The following SLA2 variants were observed in gnomAD, a reference collection of about 807,000 sequenced individuals.
The protein encoded by SLA2 is src-like-adapter 2.
A neutral mutation model predicts 27.3 loss-of-function variants in SLA2; 22 were observed. That is an observed-to-expected ratio of 0.81 (90% confidence interval 0.58 to 1.15). The LOEUF is 1.15. Ranked by LOEUF, SLA2 falls within the 50% of genes most tolerant of loss-of-function variation. SLA2 has a pLI of 0.00. For synonymous variants in SLA2, 131 were observed against 137.8 expected (o/e 0.95, Z 0.34); for missense variants, 304 against 322.2 (o/e 0.94, Z 0.43).
chr20:36,644,868 G>GTTTTTTTTTTTTTTTTT (rs3066378), intron 1 of SLA2, among the ~76,000 whole-genome samples: 2 of 80,674 alleles, frequency 2.5e-5, no homozygotes, highest in Non-Finnish European at 2.4e-5. Flanking sequence ...AGAATATTGT[G>GTTTTTTTTTTTTTTTTT]TTTTTTTTTT....
intron 5 of SLA2, among the ~76,000 whole-genome samples, chr20:36,622,361 A>C (rs2039292603): frequency 6.6e-6 from 1 of 151,868 alleles, no homozygotes; most frequent in African/African-American, 2.4e-5. Context: ...ATCTCAAAAA[A>C]AAAAAACAAA....
At chr20:36,614,795 A>G in intron 6 of SLA2, 3 of 985,408 alleles carry the variant, frequency 3.0e-6, no homozygotes, top group South Asian at 4.7e-5. Flanking sequence ...GAGTTTTCAC[A>G]AGAGTGCTCT....
Position 36,613,712 on chromosome 20 carries a change from A to G in SLA2, c.*154T>C, listed in dbSNP as rs1415449538. On this transcript the variant is annotated 3_prime_UTR_variant, in exon 8 of 8. Coordinates refer to ENST00000262866, the MANE Select transcript of SLA2 (RefSeq NM_032214.4). ...GTAGGTGACTTCTAAGGGCTAAGAGAGGAAAGAGCAAGGGTACAGGTGGGA... is the reference window on the plus strand; with the variant it reads ...GTAGGTGACTTCTAAGGGCTAAGAGGGGAAAGAGCAAGGGTACAGGTGGGA... 2.3e-6 allele frequency: 2 copies of G among 881,330 alleles called. No individual in the cohort carries two copies. The highest frequency in any genetic ancestry group is 2.6e-5 in the East Asian group (1 of 38,384). The allele number at this position is 881,330 out of a possible 1,614,324, so 54.6% of individuals were successfully genotyped here.
intron 1 of SLA2, among the ~76,000 whole-genome samples, chr20:36,645,214 C>T (rs928558395): frequency 4.7e-5 from 5 of 105,894 alleles, no homozygotes; most frequent in Middle Eastern, 8.2e-3. Context: ...AAAAATATAA[C>T]GAATTAGCTG....
At chr20:36,632,521 CAGCCAT>C (rs928183166) in intron 5 of SLA2, 68 bp downstream of exon 5, 3 of 1,183,552 alleles carry the variant, frequency 2.5e-6, no homozygotes, top group Non-Finnish European at 2.5e-6. Flanking sequence ...GCCGCACCTG[CAGCCAT>C]ATATCTGTGG....
intron 5 of SLA2, among the ~76,000 whole-genome samples, chr20:36,618,675 G>A (rs999570040): frequency 1.3e-5 from 2 of 151,896 alleles, no homozygotes; most frequent in Non-Finnish European, 2.9e-5. Context: ...GGAGGCAGAG[G>A]CTGTTGGATC....
intron 5 of SLA2, among the ~76,000 whole-genome samples, chr20:36,628,895 G>A (rs926933255): frequency 2.5e-4 from 38 of 151,644 alleles, no homozygotes; most frequent in Non-Finnish European, 4.0e-4. Flanking sequence ...ACCATGACCC[G>A]CAGGAAAATT....
rs575717341 is a variant in SLA2, at chr20:36,625,129, C to T, written c.382+7466G>A. On this transcript the variant is annotated intron_variant, in intron 5 of 7. Coordinates refer to ENST00000262866, the MANE Select transcript of SLA2 (RefSeq NM_032214.4). ...CTCGGGGAAATAAGTGCTGTCTTGT[C>T]AGCACATCCACAGCTGGGATTTTCC... Among the ~76,000 whole-genome samples, 6 of 152,016 alleles carry T rather than the reference C, an allele frequency of 3.9e-5. No individual in the cohort carries two copies. The South Asian group carries it at 8.3e-4, about 21-fold the overall frequency.
intron 5 of SLA2, among the ~76,000 whole-genome samples, chr20:36,630,864 T>C (rs770274656): frequency 1.3e-5 from 2 of 152,170 alleles, no homozygotes; most frequent in Non-Finnish European, 2.9e-5. Context: ...CACATGAATG[T>C]GCATGTGGCC....
intron 5 of SLA2, among the ~76,000 whole-genome samples, chr20:36,631,335 G>A (rs2039391732): frequency 6.6e-6 from 1 of 152,134 alleles, no homozygotes; most frequent in Non-Finnish European, 1.5e-5. Context: ...AAATTTTTTT[G>A]TAGAGAAGTG....
chr20:36,623,869 G>C lies in SLA2; in HGVS notation c.383-8495C>G, dbSNP rs187533439. 8.0e-4 allele frequency among the ~76,000 whole-genome samples: 121 copies of C among 152,132 alleles called. 1 individual carries two copies. Among genetic ancestry groups the C allele is most frequent in the African/African-American group, 2.9e-3 (119 of 41,502 alleles). ...TAAAAAATTCTGTGGCTGGGAATGCGCTAAATATTTGAAAATAGGCCCAGA... is the reference window on the plus strand; with the variant it reads ...TAAAAAATTCTGTGGCTGGGAATGCCCTAAATATTTGAAAATAGGCCCAGA... On this transcript the variant is annotated intron_variant, in intron 5 of 7. Coordinates refer to ENST00000262866, the MANE Select transcript of SLA2 (RefSeq NM_032214.4).
chr20:36,634,553 A>G lies in SLA2; in HGVS notation c.128T>C (p.Phe43Ser), dbSNP rs2039425091. 1.2e-6 allele frequency: 2 copies of G among 1,611,416 alleles called. No individual in the cohort carries two copies. Among genetic ancestry groups the G allele is most frequent in the Non-Finnish European group, 1.7e-6 (2 of 1,178,570 alleles). The change falls in exon 3 of 8, where the codon TTC becomes TCC. Residue 43 changes from phenylalanine (F) to serine (S), a missense_variant. Coordinates refer to ENST00000262866, the MANE Select transcript of SLA2 (RefSeq NM_032214.4). ...CAGCTCGGCCGGGCCACCTGCCGGG[A>G]AACTGCCCAGGGCCACGGCTGTGGC... is the stretch of plus-strand genomic sequence containing the variant. ...SKATAVALGS[F>S]PAGGPAELSL...
intron 7 of SLA2, 151 bp downstream of exon 7, chr20:36,614,154 G>A: frequency 6.8e-7 from 1 of 1,466,358 alleles, no homozygotes; most frequent in Non-Finnish European, 9.4e-7. Flanking sequence ...TCGAGCCTGG[G>A]CCGTGCTCCA....
intron 7 of SLA2, 125 bp downstream of exon 7, chr20:36,614,180 C>T (rs2039177406): frequency 2.6e-6 from 4 of 1,524,010 alleles, no homozygotes; most frequent in Non-Finnish European, 2.7e-6. Flanking sequence ...TGAGTCAGTG[C>T]ACTCTGGCTC....
In SLA2 at chr20:36,646,070, G is replaced by T. The variant is rs45539244; in HGVS notation, c.-277C>A. 9,268 of 152,372 alleles carry T rather than the reference G, an allele frequency of 0.061. 375 individuals carry two copies. The highest frequency in any genetic ancestry group is 0.11 in the Admixed American group (1,678 of 15,284). The allele number at this position is 152,372 out of a possible 1,614,324, so 9.4% of individuals were successfully genotyped here. A position where few individuals can be genotyped will look rare whatever the true frequency, so the allele number is the denominator to read the frequency against. On this transcript the variant is annotated 5_prime_UTR_variant, in exon 1 of 8. Coordinates refer to ENST00000262866, the MANE Select transcript of SLA2 (RefSeq NM_032214.4). ...ACCAGGGATGGATCAGCTGCCCCAT[G>T]CTCCTTAGGGATTCTGGACTGGGGA...
chr20:36,625,589 G>A (rs1052624701), intron 5 of SLA2, among the ~76,000 whole-genome samples: 16 of 151,098 alleles, frequency 1.1e-4, no homozygotes, highest in African/African-American at 3.6e-4. Context: ...CCCAGCACTT[G>A]GGAAGTCTAA....
At chr20:36,624,796 C>T (rs941729868) in intron 5 of SLA2, among the ~76,000 whole-genome samples, 1 of 152,226 alleles carries the variant, frequency 6.6e-6, no homozygotes, top group African/African-American at 2.4e-5. Context: ...AGAGGGCCCA[C>T]CCAGAGCCAG....
Position 36,612,526 on chromosome 20 carries a change from A to G in SLA2, c.*1340T>C. On this transcript the variant is annotated 3_prime_UTR_variant, in exon 8 of 8. Transcript: ENST00000262866. ...AGTTTCCATTGTAGAATGTTTTCAC[A>G]TACTTGAATAAATCAAATCTTTAAT... 2.5e-6 allele frequency: 1 copy of G among 401,814 alleles called. No homozygotes were observed. Among genetic ancestry groups the G allele is most frequent in the Non-Finnish European group, 4.6e-6 (1 of 215,462 alleles). The allele number at this position is 401,814 out of a possible 1,614,324, so 24.9% of individuals were successfully genotyped here. A position where few individuals can be genotyped will look rare whatever the true frequency, so the allele number is the denominator to read the frequency against.
At chr20:36,614,736 C>T (rs74496205) in intron 6 of SLA2, 10 of 985,372 alleles carry the variant, frequency 1.0e-5, no homozygotes, top group Middle Eastern at 5.2e-4. Context: ...CAGTCTACTT[C>T]TACTCACTGT....
Sources: gnomAD v4.1 joint callset for allele counts (sites outside exome capture counted in the v4.1 genomes callset) on GRCh38, gnomAD v4.1.1 for gene constraint, MANE v1.5 for transcripts, NCBI Gene and HGNC (gene_info 2026-07-23, HGNC 2026-07-21) for gene names.